The following MCTP1 variants were observed in gnomAD, a reference collection of about 807,000 sequenced individuals.
MCTP1 encodes the protein multiple C2 and transmembrane domain containing 1, also known as multiple C2 and transmembrane domain-containing protein 1.
A neutral mutation model predicts 120.6 loss-of-function variants in MCTP1; 69 were observed. The observed-to-expected ratio is 0.57, with a 90% CI of 0.47 to 0.70. The LOEUF (loss-of-function observed/expected upper bound fraction) is 0.70. Ranked by LOEUF, MCTP1 falls within the 30% of genes least tolerant of loss-of-function variation. The pLI is 0.00. For missense variants in MCTP1, 1,203 were observed against 1,248.8 expected, an observed-to-expected ratio of 0.96 and a Z score of 0.55; for synonymous variants, 529 against 493.1, an observed-to-expected ratio of 1.07 and a Z score of -0.96.
At chr5:94,819,133 TC>T (rs1785102190) in intron 17 of MCTP1, among the ~76,000 whole-genome samples, 3 of 151,372 alleles carry the variant, frequency 2.0e-5, no homozygotes, top group Admixed American at 2.0e-4. Flanking sequence ...ATTCATTCAT[TC>T]TTTCATTCAT....
At chr5:94,870,170 A>G (rs1167848151) in intron 16 of MCTP1, among the ~76,000 whole-genome samples, 7 of 152,132 alleles carry the variant, frequency 4.6e-5, no homozygotes, top group Admixed American at 1.3e-4. Context: ...CACCTACAGT[A>G]TCCCCTTTCC....
chr5:94,790,343 C>T (rs970553176), intron 18 of MCTP1, among the ~76,000 whole-genome samples: 12 of 152,186 alleles, frequency 7.9e-5, no homozygotes, highest in African/African-American at 2.2e-4. Context: ...CCAGTGGGTG[C>T]GGCACGCAAG....
intron 1 of MCTP1, among the ~76,000 whole-genome samples, chr5:95,162,243 A>G (rs1192942518): frequency 6.6e-6 from 1 of 152,244 alleles, no homozygotes; most frequent in Non-Finnish European, 1.5e-5. Flanking sequence ...ATCTACATCT[A>G]CATCTATTTT....
At chr5:94,932,998 C>T (rs549003426) in intron 5 of MCTP1, among the ~76,000 whole-genome samples, 1 of 152,048 alleles carries the variant, frequency 6.6e-6, no homozygotes, top group South Asian at 2.1e-4. Context: ...ACCTAAACCA[C>T]AAGAATGAAT....
intron 19 of MCTP1, among the ~76,000 whole-genome samples, chr5:94,764,977 G>T (rs867697780): frequency 3.3e-5 from 5 of 152,024 alleles, no homozygotes; most frequent in African/African-American, 9.7e-5. Context: ...CATTCTTCAG[G>T]ATAGACCATA....
At chr5:95,163,018 AATTTT>A (rs1178197457) in intron 1 of MCTP1, among the ~76,000 whole-genome samples, 2 of 151,996 alleles carry the variant, frequency 1.3e-5, no homozygotes, top group African/African-American at 2.4e-5. Context: ...TCAACATTTT[AATTTT>A]ATTAATATTA....
Position 94,833,531 on chromosome 5 carries a change from A to G in MCTP1, c.2437-34399T>C, listed in dbSNP as rs185772047. Among the ~76,000 whole-genome samples the G allele has an allele frequency of 1.1e-4, 16 of 152,294 alleles. 1 individual carries two copies. The East Asian group carries it at 1.2e-3, about 11-fold the overall frequency. On this transcript the variant is annotated intron_variant, in intron 17 of 22. Coordinates refer to ENST00000515393, the MANE Select transcript of MCTP1 (RefSeq NM_024717.7). The stretch of plus-strand genomic sequence containing the variant: ...TGCTAGAAGGTGGAACCATTTTTAT[A>G]TTTAATGGAAAAAACAAATTTGTTT...
chr5:94,952,170 G>GAAAAAAAA (rs1820758393), intron 3 of MCTP1, among the ~76,000 whole-genome samples: 2 of 13,946 alleles, frequency 1.4e-4, no homozygotes, highest in African/African-American at 5.3e-4. Flanking sequence ...AGACTTTGTC[G>GAAAAAAAA]CAAAAAAAAA....
intron 17 of MCTP1, among the ~76,000 whole-genome samples, chr5:94,851,769 A>G (rs1276035091): frequency 2.0e-5 from 3 of 151,984 alleles, no homozygotes; most frequent in Admixed American, 2.0e-4. Flanking sequence ...TTTATAGACA[A>G]CTGTACATTG....
chr5:95,187,646 C>T (rs1360221910), intron 1 of MCTP1, among the ~76,000 whole-genome samples: 8 of 152,088 alleles, frequency 5.3e-5, no homozygotes, highest in African/African-American at 1.7e-4. Context: ...GTGATCCACC[C>T]GCCTCAGTCT....
At chr5:94,751,853 G>A (rs1050764712) in intron 19 of MCTP1, among the ~76,000 whole-genome samples, 3 of 150,768 alleles carry the variant, frequency 2.0e-5, no homozygotes, top group East Asian at 2.0e-4. Flanking sequence ...CTTACCAGTC[G>A]CCTTACAAAA....
At position 95,053,427 on chromosome 5, in the gene MCTP1, T is replaced by C. The variant is rs912318026; in HGVS notation, c.721-35943A>G. On this transcript the variant is annotated intron_variant, in intron 1 of 22. Coordinates refer to ENST00000515393, the MANE Select transcript of MCTP1 (RefSeq NM_024717.7). The stretch of plus-strand genomic sequence containing the variant: ...TTCTTTTTTGGATAGCGGGGAGGAG[T>C]GTGAGCACTGCCACCTACAGCCTCT... 7.2e-5 allele frequency among the ~76,000 whole-genome samples: 11 copies of C among 151,810 alleles called. No homozygotes were observed. In the East Asian group the frequency reaches 9.7e-4, roughly 13 times the overall value.
intron 10 of MCTP1, among the ~76,000 whole-genome samples, chr5:94,895,542 CA>C (rs1192597464): frequency 6.6e-6 from 1 of 152,074 alleles, no homozygotes; most frequent in Non-Finnish European, 1.5e-5. Context: ...ATGGTGACCA[CA>C]AGGCTAATAA....
chr5:94,724,832 G>T (rs1761771267), intron 19 of MCTP1, among the ~76,000 whole-genome samples: 1 of 152,100 alleles, frequency 6.6e-6, no homozygotes, highest in South Asian at 2.1e-4. Flanking sequence ...TCCCATCTCA[G>T]GCTTTTGTCC....
Position 95,189,187 on chromosome 5 carries a change from CAAT to C in MCTP1, c.720+94666_720+94668del, listed in dbSNP as rs568860076. 4.3e-4 allele frequency among the ~76,000 whole-genome samples: 65 copies of C among 151,970 alleles called. 1 individual carries two copies. Among genetic ancestry groups the C allele is most frequent in the African/African-American group, 1.5e-3 (64 of 41,452 alleles). On this transcript the variant is annotated intron_variant, in intron 1 of 22. Coordinates refer to ENST00000515393, the MANE Select transcript of MCTP1 (RefSeq NM_024717.7). The stretch of plus-strand genomic sequence containing the variant: ...GCAACACCATAGTTAATTTCCCAGA[CAAT>C]ACTGAATGAAAGAAGACAATATTTC...
intron 1 of MCTP1, among the ~76,000 whole-genome samples, chr5:95,164,514 C>T (rs1171381607): frequency 2.0e-5 from 3 of 152,100 alleles, no homozygotes; most frequent in Non-Finnish European, 4.4e-5. Context: ...TAAATTTGCT[C>T]ACTCATAATT....
chr5:94,903,043 G>A (rs1805922400), intron 10 of MCTP1, among the ~76,000 whole-genome samples: 2 of 152,036 alleles, frequency 1.3e-5, no homozygotes, highest in Admixed American at 1.3e-4. Context: ...AATATATTTT[G>A]TTTAGGTTGA....
In MCTP1 at chr5:94,894,633, A is replaced by G. The variant is rs778415597; in HGVS notation, c.1839+16T>C. ...AGTCACATGTGTCTCTGGAAGGAGG[A>G]GGGTTACATACGTACATATCTCTTT... On this transcript the variant is annotated intron_variant, in intron 11 of 22. Transcript: ENST00000515393. 6 of 1,536,466 alleles carry G rather than the reference A, an allele frequency of 3.9e-6. No individual in the cohort carries two copies. The highest frequency in any genetic ancestry group is 5.3e-6 in the Non-Finnish European group (6 of 1,124,986).
At chr5:94,984,949 C>A (rs552136268) in intron 2 of MCTP1, among the ~76,000 whole-genome samples, 3 of 152,084 alleles carry the variant, frequency 2.0e-5, no homozygotes, top group South Asian at 4.1e-4. Context: ...CCTTTTACAT[C>A]CAATTTAATA....
Sources: allele counts gnomAD v4.1 joint callset (sites outside exome capture counted in the v4.1 genomes callset), GRCh38; gene constraint gnomAD v4.1.1; transcripts MANE v1.5; gene names NCBI Gene and HGNC (gene_info 2026-07-23, HGNC 2026-07-21).